Variants in HSF2BP observed in about 807,000 individuals in gnomAD.
The protein encoded by HSF2BP is heat shock factor 2-binding protein.
A neutral mutation model predicts 35.0 loss-of-function variants in HSF2BP; 35 were observed. That is an observed-to-expected ratio of 1.00 (90% CI 0.76 to 1.32). The LOEUF is 1.32. Ranked by LOEUF, HSF2BP falls within the 40% of genes most tolerant of loss-of-function variation. The pLI, the probability that HSF2BP is intolerant of heterozygous loss-of-function variation, is 0.00. For missense variants in HSF2BP, 326 were observed against 321.7 expected (o/e 1.01, Z -0.10); for synonymous variants, 114 against 117.4 (o/e 0.97, Z 0.18).
chr21:43,650,938 C>A (rs2147111194), intron 3 of HSF2BP, among the ~76,000 whole-genome samples: 1 of 152,078 alleles, frequency 6.6e-6, no homozygotes, highest in East Asian at 1.9e-4. Flanking sequence ...GAACTCCTGA[C>A]CTCAAGTGAT....
At chr21:43,624,451 G>C (rs542046323) in intron 6 of HSF2BP, among the ~76,000 whole-genome samples, 2 of 152,282 alleles carry the variant, frequency 1.3e-5, no homozygotes, top group African/African-American at 4.8e-5. Context: ...GGCAGAAGCA[G>C]CAATGGACAT....
chr21:43,614,062 G>A, intron 6 of HSF2BP, 115 bp from the exon 7 acceptor site: 1 of 745,680 alleles, frequency 1.3e-6, no homozygotes, highest in Admixed American at 2.6e-5. Flanking sequence ...AGCTGAAAAT[G>A]AGGCATTTAT....
chr21:43,648,527 C>T (rs974281977), intron 3 of HSF2BP, among the ~76,000 whole-genome samples: 1 of 152,256 alleles, frequency 6.6e-6, no homozygotes, highest in Non-Finnish European at 1.5e-5. Flanking sequence ...GTTCCCCCAA[C>T]CCTGATCACA....
chr21:43,656,693 A>T lies in HSF2BP; in HGVS notation c.81T>A (p.Asp27Glu). 6.2e-7 allele frequency: 1 copy of T among 1,613,992 alleles called. No homozygotes were observed. ...TCACTTCAGTTGTCAGCCGTTCCAG[A>T]TCCTTCTTTCTGACTTTAACAAATT... ...KEEFVKVRKK[D>E]LERLTTEVMQ... The change falls in exon 3 of 9, where the codon GAT becomes GAA. Residue 27 changes from aspartate to glutamate, a missense_variant. Coordinates refer to ENST00000291560, the MANE Select transcript of HSF2BP (RefSeq NM_007031.2).
At chr21:43,589,005 G>A (rs1487549738) in intron 8 of HSF2BP, among the ~76,000 whole-genome samples, 1 of 152,186 alleles carries the variant, frequency 6.6e-6, no homozygotes, top group East Asian at 1.9e-4. Context: ...GACACTGGCA[G>A]AAGACACAAA....
chr21:43,645,774 G>A (rs191914701), intron 3 of HSF2BP, among the ~76,000 whole-genome samples: 5 of 152,244 alleles, frequency 3.3e-5, no homozygotes, highest in Admixed American at 2.0e-4. Context: ...AACGAGAAGC[G>A]GGTAGGGCTT....
intron 7 of HSF2BP, 109 bp downstream of exon 7, chr21:43,613,720 GT>G: frequency 2.6e-6 from 2 of 773,920 alleles, no homozygotes; most frequent in South Asian, 1.6e-5. Flanking sequence ...ATTTCTTCTA[GT>G]TTTTAAAACT....
At chr21:43,535,806 AC>A (rs1431241516) in intron 8 of HSF2BP, among the ~76,000 whole-genome samples, 1 of 4,022 alleles carries the variant, frequency 2.5e-4, no homozygotes, top group East Asian at 8.2e-3. Flanking sequence ...TGGTACAACC[AC>A]CTGAGACAAC....
At chr21:43,615,523 A>AG (rs1219584618) in intron 6 of HSF2BP, among the ~76,000 whole-genome samples, 1 of 152,200 alleles carries the variant, frequency 6.6e-6, no homozygotes, top group Non-Finnish European at 1.5e-5. Context: ...ATGGACCACA[A>AG]GAGGGATAGT....
chr21:43,653,192 AAGGGAAGGGGAAG>A, intron 3 of HSF2BP, among the ~76,000 whole-genome samples: 1 of 15,888 alleles, frequency 6.3e-5, no homozygotes, highest in African/African-American at 3.7e-4. Context: ...AAGGGAAAGG[AAGGGAAGGGGAAG>A]GGAAGGGAAG....
chr21:43,655,758 C>T (rs749580944), intron 3 of HSF2BP, among the ~76,000 whole-genome samples: 1 of 152,160 alleles, frequency 6.6e-6, no homozygotes, highest in Non-Finnish European at 1.5e-5. Context: ...CCAAGGACTT[C>T]GGAGAGAATA....
At chr21:43,607,419 C>A (rs2082148831) in intron 7 of HSF2BP, among the ~76,000 whole-genome samples, 1 of 151,918 alleles carries the variant, frequency 6.6e-6, no homozygotes, top group African/African-American at 2.4e-5. Context: ...TCAAGAAGAA[C>A]TACAGAACAC....
intron 5 of HSF2BP, among the ~76,000 whole-genome samples, chr21:43,631,089 C>A (rs185539674): frequency 6.6e-6 from 1 of 152,262 alleles, no homozygotes; most frequent in African/African-American, 2.4e-5. Flanking sequence ...ATGGTTAATG[C>A]AACTCTAAAA....
chr21:43,648,242 C>T (rs1329531329), intron 3 of HSF2BP, among the ~76,000 whole-genome samples: 1 of 152,194 alleles, frequency 6.6e-6, no homozygotes, highest in Non-Finnish European at 1.5e-5. Flanking sequence ...AGTAACAAGG[C>T]TCCCTCGTCC....
At chr21:43,598,239 GAGAC>G in intron 7 of HSF2BP, among the ~76,000 whole-genome samples, 1 of 151,874 alleles carries the variant, frequency 6.6e-6, no homozygotes, top group Admixed American at 6.5e-5. Flanking sequence ...GTCGCTGAGA[GAGAC>G]AGACAGGCTG....
intron 4 of HSF2BP, among the ~76,000 whole-genome samples, chr21:43,642,804 T>C (rs969997618): frequency 1.6e-4 from 23 of 145,478 alleles, no homozygotes; most frequent in African/African-American, 4.0e-4. Context: ...TCTTTTTTTT[T>C]TTTTTTTTTT....
At chr21:43,601,344 C>G (rs182633746) in intron 7 of HSF2BP, among the ~76,000 whole-genome samples, 159 of 152,244 alleles carry the variant, frequency 1.0e-3, no homozygotes, top group Middle Eastern at 0.01. Flanking sequence ...GAAAAGGCAT[C>G]TTATTAGGGT....
intron 6 of HSF2BP, among the ~76,000 whole-genome samples, chr21:43,617,349 A>C (rs554140194): frequency 6.6e-6 from 1 of 152,040 alleles, no homozygotes; most frequent in Non-Finnish European, 1.5e-5. Flanking sequence ...CCAATGCTGC[A>C]TTTCATTAAA....
In HSF2BP at chr21:43,597,547, G is replaced by A. The variant is rs1017628285; in HGVS notation, c.693-5219C>T. Among the ~76,000 whole-genome samples the A allele has an allele frequency of 6.6e-6, 1 of 152,064 alleles. No individual in the cohort carries two copies. The highest frequency in any genetic ancestry group is 2.4e-5 in the African/African-American group (1 of 41,388). On this transcript the variant is annotated intron_variant, in intron 7 of 8. Coordinates refer to ENST00000291560, the MANE Select transcript of HSF2BP (RefSeq NM_007031.2). The surrounding 1 kb of genome is among the most constrained non-coding windows in gnomAD (Gnocchi z 4.3). Reference sequence around the variant, plus strand: ...TTTACTTTTTTTTCCTAGAGCTAGGGTCTCACTTTGTCACTCAGGCTGGAA... The same window carrying A: ...TTTACTTTTTTTTCCTAGAGCTAGGATCTCACTTTGTCACTCAGGCTGGAA...
Sources: allele counts gnomAD v4.1 joint callset (sites outside exome capture counted in the v4.1 genomes callset), GRCh38; gene constraint gnomAD v4.1.1; non-coding constraint Gnocchi (gnomAD v3.1); transcripts MANE v1.5; gene names NCBI Gene and HGNC (gene_info 2026-07-23, HGNC 2026-07-21).